EVX2: variants seen among roughly 807,000 people sequenced by gnomAD.
The protein encoded by EVX2 is homeobox even-skipped homolog protein 2.
In EVX2, 10 loss-of-function variants were observed where a neutral mutation model predicts 19.2. The observed-to-expected ratio is 0.52, with a 90% CI of 0.32 to 0.89. The LOEUF is 0.89. EVX2 is among the 40% of genes least tolerant of loss of function. The pLI is 0.03. For synonymous variants in EVX2, 354 were observed against 328.4 expected (o/e 1.08, Z -0.84); for missense variants, 710 against 694.9 (o/e 1.02, Z -0.24).
Position 176,080,019 on chromosome 2 carries a change from G to A in EVX2, c.*88C>T, listed in dbSNP as rs1689105799. On this transcript the variant is annotated 3_prime_UTR_variant, in exon 3 of 3. Transcript: ENST00000308618. The surrounding 1 kb of genome is among the most constrained non-coding windows in gnomAD (Gnocchi z 7.0). ...CCCCTGGCGGCAGCGGCAGCAGCGG[G>A]CAACGCGCGGAGGGCTCAGGGGGCG... The A allele has an allele frequency of 3.1e-6, 4 of 1,300,152 alleles. No homozygotes were observed. Among genetic ancestry groups the A allele is most frequent in the East Asian group, 3.0e-5 (1 of 33,460 alleles). 80.5% of individuals were successfully genotyped at this position (1,300,152 alleles called of 1,614,324 possible).
chr2:176,080,382 G>T lies in EVX2; in HGVS notation c.1156C>A (p.Pro386Thr). 1 of 1,138,468 alleles carries T rather than the reference G, an allele frequency of 8.8e-7. No individual in the cohort carries two copies. The highest frequency in any genetic ancestry group is 1.1e-6 in the Non-Finnish European group (1 of 925,272). 70.5% of individuals were successfully genotyped at this position (1,138,468 alleles called of 1,614,324 possible). Residue 386 changes from proline to threonine, a missense_variant, in exon 3 of 3, where the codon CCC becomes ACC. Pro to Thr is a conservative substitution (Grantham distance 38). Transcript: ENST00000308618. This position sits in a 1 kb window ranked among gnomAD's most constrained non-coding sequence, Gnocchi z 7.0. Reference protein sequence around the residue: ...AGAPPSGGSAPCSCLSCHSSQ... With the variant: ...AGAPPSGGSATCSCLSCHSSQ... The stretch of plus-strand genomic sequence containing the variant: ...CTGTGGCAACTGAGGCACGAGCAGG[G>T]TGCAGAGCCGCCGCTGGGGGGCGCG...
rs1373955894 is a variant in EVX2, at chr2:176,080,180, T to A, written c.1358A>T (p.Tyr453Phe). The A allele has an allele frequency of 6.6e-7, 1 of 1,514,976 alleles. No homozygotes were observed. The highest frequency in any genetic ancestry group is 1.4e-5 in the African/African-American group (1 of 69,198). The allele number at this position is 1,514,976 out of a possible 1,614,324, so 93.8% of individuals were successfully genotyped here. Residue 453 changes from tyrosine (Y) to phenylalanine (F), a missense_variant, in exon 3 of 3, where the codon TAC becomes TTC. Coordinates refer to ENST00000308618, the MANE Select transcript of EVX2 (RefSeq NM_001080458.2). This position sits in a 1 kb window ranked among gnomAD's most constrained non-coding sequence, Gnocchi z 7.0. Reference protein sequence around the residue: ...APRSESGFLPYSAAVLSKTAV... With the variant: ...APRSESGFLPFSAAVLSKTAV... ...CGTCTTACTAAGCACCGCGGCCGAGTAGGGCAGGAAGCCGCTCTCGGAACG... is the reference window on the plus strand; with the variant it reads ...CGTCTTACTAAGCACCGCGGCCGAGAAGGGCAGGAAGCCGCTCTCGGAACG...
In EVX2 at chr2:176,079,895, A is replaced by C. The variant is rs1689103669; in HGVS notation, c.*212T>G. On this transcript the variant is annotated 3_prime_UTR_variant, in exon 3 of 3. Transcript: ENST00000308618. The surrounding 1 kb of genome is among the most constrained non-coding windows in gnomAD (Gnocchi z 4.4). The stretch of plus-strand genomic sequence containing the variant: ...AGACGGCTGGGTGGCAAATACAAAA[A>C]TAGAAATAATTTAGGGGGATGCCCG... 8 of 456,882 alleles carry C rather than the reference A, an allele frequency of 1.8e-5. No homozygotes were observed. Among genetic ancestry groups the C allele is most frequent in the Non-Finnish European group, 2.6e-5 (7 of 273,234 alleles). 28.3% of individuals were successfully genotyped at this position (456,882 alleles called of 1,614,324 possible). A position where few individuals can be genotyped will look rare whatever the true frequency, so the allele number is the denominator to read the frequency against.
chr2:176,083,631 A>AG lies in EVX2; in HGVS notation c.145dup (p.Leu49ProfsTer63). 1 of 1,614,212 alleles carries AG rather than the reference A, an allele frequency of 6.2e-7. No individual in the cohort carries two copies. The highest frequency in any genetic ancestry group is 8.5e-7 in the Non-Finnish European group (1 of 1,180,048). On this transcript the variant is annotated frameshift_variant, in exon 1 of 3. Transcript: ENST00000308618. LOFTEE classifies it high-confidence loss of function. This position sits in a 1 kb window ranked among gnomAD's most constrained non-coding sequence, Gnocchi z 4.4. ...GGGGGCAGACGGCAGGCGCGGGCTT[A>AG]GGCGAGCCGGGTGCTGCGAATTTTC...
rs1286608071 is a variant in EVX2 at position 176,077,486 on chromosome 2, A to G, written c.*2621T>C. 2 of 152,214 alleles carry G rather than the reference A, an allele frequency of 1.3e-5. No homozygotes were observed. The highest frequency in any genetic ancestry group is 2.9e-5 in the Non-Finnish European group (2 of 68,024). 9.4% of individuals were successfully genotyped at this position (152,214 alleles called of 1,614,324 possible). ...ATAAAACTGCCTTGATTTAAATAACATTTATTTTACATGACCAAACACAAT... is the reference window on the plus strand; with the variant it reads ...ATAAAACTGCCTTGATTTAAATAACGTTTATTTTACATGACCAAACACAAT... On this transcript the variant is annotated 3_prime_UTR_variant, in exon 3 of 3. Coordinates refer to ENST00000308618, the MANE Select transcript of EVX2 (RefSeq NM_001080458.2).
Position 176,082,504 on chromosome 2 carries a change from G to T in EVX2, c.428-55C>A. On this transcript the variant is annotated intron_variant, in intron 1 of 2. Coordinates refer to ENST00000308618, the MANE Select transcript of EVX2 (RefSeq NM_001080458.2). This position sits in a 1 kb window ranked among gnomAD's most constrained non-coding sequence, Gnocchi z 5.2. ...GTGGCTGTAGGACCAACAGCCCGGC[G>T]CTGGCGCTGCGCGCGGATCGGGGAA... 1 of 1,487,436 alleles carries T rather than the reference G, an allele frequency of 6.7e-7. No homozygotes were observed. Among genetic ancestry groups the T allele is most frequent in the Non-Finnish European group, 8.9e-7 (1 of 1,121,906 alleles). 92.1% of individuals were successfully genotyped at this position (1,487,436 alleles called of 1,614,324 possible). A position where few individuals can be genotyped will look rare whatever the true frequency, so the allele number is the denominator to read the frequency against.
Position 176,080,402 on chromosome 2 carries a change from G to A in EVX2, c.1136C>T (p.Pro379Leu), listed in dbSNP as rs1427439063. 11 of 1,079,376 alleles carry A rather than the reference G, an allele frequency of 1.0e-5. No individual in the cohort carries two copies. In the East Asian group the frequency reaches 6.7e-4, roughly 66 times the overall value. 66.9% of individuals were successfully genotyped at this position (1,079,376 alleles called of 1,614,324 possible). ...GCAGGGTGCAGAGCCGCCGCTGGGG[G>A]GCGCGCCGGCCGCCGCCGCCGAGGA... ...AASSAAAAGA[P>L]PSGGSAPCSC... is the part of the protein sequence containing the mutation. The change falls in exon 3 of 3, where the codon CCC (proline) becomes CTC (leucine). Residue 379 changes from proline (P) to leucine (L), a missense_variant. Transcript: ENST00000308618. This position sits in a 1 kb window ranked among gnomAD's most constrained non-coding sequence, Gnocchi z 7.0.
chr2:176,080,043 C>A lies in EVX2; in HGVS notation c.*64G>T. ...GGCAACGCGCGGAGGGCTCAGGGGG[C>A]GCACAGGGGACTCCCGGGCACACTC... On this transcript the variant is annotated 3_prime_UTR_variant, in exon 3 of 3. Transcript: ENST00000308618. This position sits in a 1 kb window ranked among gnomAD's most constrained non-coding sequence, Gnocchi z 7.0. 1 of 1,429,566 alleles carries A rather than the reference C, an allele frequency of 7.0e-7. No homozygotes were observed. Among genetic ancestry groups the A allele is most frequent in the Non-Finnish European group, 9.2e-7 (1 of 1,088,036 alleles). 88.6% of individuals were successfully genotyped at this position (1,429,566 alleles called of 1,614,324 possible). A position where few individuals can be genotyped will look rare whatever the true frequency, so the allele number is the denominator to read the frequency against.
In EVX2 at chr2:176,079,643, T is replaced by C; in HGVS notation, c.*464A>G. ...AGAAAAACAGCAGCAGCGAGAAACC[T>C]CCGGGGCGACTCCTCCCCCGCCCCC... On this transcript the variant is annotated 3_prime_UTR_variant, in exon 3 of 3. Coordinates refer to ENST00000308618, the MANE Select transcript of EVX2 (RefSeq NM_001080458.2). This position sits in a 1 kb window ranked among gnomAD's most constrained non-coding sequence, Gnocchi z 4.4. 1 of 154,234 alleles carries C rather than the reference T, an allele frequency of 6.5e-6. No individual in the cohort carries two copies. The allele number at this position is 154,234 out of a possible 1,614,324, so 9.6% of individuals were successfully genotyped here. A position where few individuals can be genotyped will look rare whatever the true frequency, so the allele number is the denominator to read the frequency against.
Position 176,080,000 on chromosome 2 carries a change from G to A in EVX2, c.*107C>T. Reference sequence around the variant, plus strand: ...CTCCCGCGCCCCGGGGCGCCCCCTGGCGGCAGCGGCAGCAGCGGGCAACGC... The same window carrying A: ...CTCCCGCGCCCCGGGGCGCCCCCTGACGGCAGCGGCAGCAGCGGGCAACGC... On this transcript the variant is annotated 3_prime_UTR_variant, in exon 3 of 3. Transcript: ENST00000308618. This position sits in a 1 kb window ranked among gnomAD's most constrained non-coding sequence, Gnocchi z 4.4. 8.1e-7 allele frequency: 1 copy of A among 1,236,718 alleles called. No homozygotes were observed. The allele number at this position is 1,236,718 out of a possible 1,614,324, so 76.6% of individuals were successfully genotyped here.
At position 176,083,817 on chromosome 2, in the gene EVX2, G is replaced by T; in HGVS notation, c.-41C>A. On this transcript the variant is annotated 5_prime_UTR_variant, in exon 1 of 3. Coordinates refer to ENST00000308618, the MANE Select transcript of EVX2 (RefSeq NM_001080458.2). The surrounding 1 kb of genome is among the most constrained non-coding windows in gnomAD (Gnocchi z 4.4). The stretch of plus-strand genomic sequence containing the variant: ...AATGTCACAGTGGCCCTGCTGTCCC[G>T]TCCTAATGATAGGCTGCGCCTAGGG... 9 of 1,522,386 alleles carry T rather than the reference G, an allele frequency of 5.9e-6. No homozygotes were observed. Among genetic ancestry groups the T allele is most frequent in the Non-Finnish European group, 8.1e-6 (9 of 1,112,030 alleles). 94.3% of individuals were successfully genotyped at this position (1,522,386 alleles called of 1,614,324 possible). A position where few individuals can be genotyped will look rare whatever the true frequency, so the allele number is the denominator to read the frequency against.
At position 176,083,808 on chromosome 2, in the gene EVX2, T is replaced by C. The variant is rs1689184793; in HGVS notation, c.-32A>G. On this transcript the variant is annotated 5_prime_UTR_variant, in exon 1 of 3. Coordinates refer to ENST00000308618, the MANE Select transcript of EVX2 (RefSeq NM_001080458.2). This position sits in a 1 kb window ranked among gnomAD's most constrained non-coding sequence, Gnocchi z 4.4. ...TTTCTTAAAAATGTCACAGTGGCCC[T>C]GCTGTCCCGTCCTAATGATAGGCTG... 1.3e-6 allele frequency: 2 copies of C among 1,563,422 alleles called. No homozygotes were observed. The highest frequency in any genetic ancestry group is 1.7e-6 in the Non-Finnish European group (2 of 1,144,296).
chr2:176,080,883 T>C lies in EVX2; in HGVS notation c.700-45A>G, dbSNP rs1380275627. ...GCAGCCTGGGTTAGGGAGCGCCCCG[T>C]GTTCCCAGCTCCTGTCCCAGGACCT... On this transcript the variant is annotated intron_variant, in intron 2 of 2. Transcript: ENST00000308618. The surrounding 1 kb of genome is among the most constrained non-coding windows in gnomAD (Gnocchi z 7.0). 2 of 1,572,792 alleles carry C rather than the reference T, an allele frequency of 1.3e-6. No homozygotes were observed. The highest frequency in any genetic ancestry group is 1.7e-6 in the Non-Finnish European group (2 of 1,161,820).
Position 176,080,990 on chromosome 2 carries a change from T to A in EVX2, c.700-152A>T, listed in dbSNP as rs1689139777. The A allele has an allele frequency of 3.8e-6, 4 of 1,046,078 alleles. No homozygotes were observed. Among genetic ancestry groups the A allele is most frequent in the South Asian group, 3.5e-5 (2 of 57,614 alleles). 64.8% of individuals were successfully genotyped at this position (1,046,078 alleles called of 1,614,324 possible). On this transcript the variant is annotated intron_variant, in intron 2 of 2. Coordinates refer to ENST00000308618, the MANE Select transcript of EVX2 (RefSeq NM_001080458.2). The surrounding 1 kb of genome is among the most constrained non-coding windows in gnomAD (Gnocchi z 7.0). ...CCCGAGTACCCTGTGGTCTCCCAGC[T>A]GGGAAAGTGTGGACGGCAGTGTGTG...
Position 176,080,173 on chromosome 2 carries a change from G to C in EVX2, c.1365C>G (p.Ala455=). ...RSESGFLPYS[A]AVLSKTAVSP... ...TCACGGCCGTCTTACTAAGCACCGCGGCCGAGTAGGGCAGGAAGCCGCTCT... is the reference window on the plus strand; with the variant it reads ...TCACGGCCGTCTTACTAAGCACCGCCGCCGAGTAGGGCAGGAAGCCGCTCT... Residue 455 remains alanine, a synonymous_variant, in exon 3 of 3, where the codon GCC becomes GCG. Coordinates refer to ENST00000308618, the MANE Select transcript of EVX2 (RefSeq NM_001080458.2). This position sits in a 1 kb window ranked among gnomAD's most constrained non-coding sequence, Gnocchi z 7.0. 1.3e-6 allele frequency: 2 copies of C among 1,521,046 alleles called. No homozygotes were observed. Among genetic ancestry groups the C allele is most frequent in the Non-Finnish European group, 1.8e-6 (2 of 1,138,400 alleles). The allele number at this position is 1,521,046 out of a possible 1,614,324, so 94.2% of individuals were successfully genotyped here.
chr2:176,082,811 G>A lies in EVX2; in HGVS notation c.428-362C>T, dbSNP rs1689167425. ...TATACGGCCTCTAACCTTTATCTGA[G>A]TCTTCGGGGTTTCAAATATTTTAAG... On this transcript the variant is annotated intron_variant, in intron 1 of 2. Transcript: ENST00000308618. This position sits in a 1 kb window ranked among gnomAD's most constrained non-coding sequence, Gnocchi z 5.2. Among the ~76,000 whole-genome samples, 1 of 152,204 alleles carries A rather than the reference G, an allele frequency of 6.6e-6. No individual in the cohort carries two copies. The highest frequency in any genetic ancestry group is 6.5e-5 in the Admixed American group (1 of 15,280).
chr2:176,081,958 G>A lies in EVX2; in HGVS notation c.699+220C>T, dbSNP rs1689151489. Among the ~76,000 whole-genome samples the A allele has an allele frequency of 1.3e-5, 2 of 152,216 alleles. No homozygotes were observed. The highest frequency in any genetic ancestry group is 4.1e-4 in the South Asian group (2 of 4,828). On this transcript the variant is annotated intron_variant, in intron 2 of 2. Coordinates refer to ENST00000308618, the MANE Select transcript of EVX2 (RefSeq NM_001080458.2). The surrounding 1 kb of genome is among the most constrained non-coding windows in gnomAD (Gnocchi z 5.9). ...AGCAGGGGCGAGTGCTTTCAGCATT[G>A]GAGTCACCATTCGGGGGCCTTCTTA... is the stretch of plus-strand genomic sequence containing the variant.
Position 176,082,379 on chromosome 2 carries a change from A to C in EVX2, c.498T>G (p.His166Gln). Residue 166 changes from histidine to glutamine, a missense_variant, in exon 2 of 3, where the codon CAT becomes CAG. His to Gln is a conservative substitution (Grantham distance 24). Transcript: ENST00000308618. This position sits in a 1 kb window ranked among gnomAD's most constrained non-coding sequence, Gnocchi z 5.2. ...TCCCGCCGCTGCCTCCGCTGCCTCC[A>C]TGCAGGCTTCCGAGGCCTGAGCCCG... Reference protein sequence around the residue: ...SASGSGLGSLHGGSGGSGGSA... With the variant: ...SASGSGLGSLQGGSGGSGGSA... The C allele has an allele frequency of 6.2e-7, 1 of 1,603,666 alleles. No individual in the cohort carries two copies.
Position 176,080,356 on chromosome 2 carries a change from G to A in EVX2, c.1182C>T (p.Ser394=), listed in dbSNP as rs1187549934. The stretch of plus-strand genomic sequence containing the variant: ...CCGCGGCTGCCGCCGCCGACTGACT[G>A]CTGTGGCAACTGAGGCACGAGCAGG... The part of the protein sequence containing the change: ...SAPCSCLSCH[S]SQSAAAAAAA... Residue 394 remains serine, a synonymous_variant, in exon 3 of 3, where the codon AGC becomes AGT. Coordinates refer to ENST00000308618, the MANE Select transcript of EVX2 (RefSeq NM_001080458.2). The surrounding 1 kb of genome is among the most constrained non-coding windows in gnomAD (Gnocchi z 7.0). The A allele has an allele frequency of 2.4e-5, 30 of 1,246,980 alleles. No individual in the cohort carries two copies. The African/African-American group carries it at 4.0e-4, about 17-fold the overall frequency. 77.2% of individuals were successfully genotyped at this position (1,246,980 alleles called of 1,614,324 possible). A position where few individuals can be genotyped will look rare whatever the true frequency, so the allele number is the denominator to read the frequency against.
Sources: gnomAD v4.1 joint callset for allele counts (sites outside exome capture counted in the v4.1 genomes callset) on GRCh38, gnomAD v4.1.1 for gene constraint, Gnocchi (gnomAD v3.1) non-coding constraint, MANE v1.5 for transcripts, NCBI Gene and HGNC (gene_info 2026-07-23, HGNC 2026-07-21) for gene names.